Variants in ELK3 observed in about 807,000 individuals in gnomAD.
The protein encoded by ELK3 is ETS transcription factor ELK3, also known as ETS domain-containing protein Elk-3.
In ELK3, 10 loss-of-function variants were observed where a neutral mutation model predicts 28.9. The ratio of observed to expected loss-of-function variants is 0.35; its 90% CI spans 0.21 to 0.59. The LOEUF (loss-of-function observed/expected upper bound fraction) is 0.59. ELK3 is among the 20% of genes least tolerant of loss of function. The pLI, the probability that ELK3 is intolerant of heterozygous loss-of-function variation, is 0.82. For missense variants in ELK3, 463 were observed against 517.3 expected (o/e 0.90, Z 1.02); for synonymous variants, 272 against 243.5 (o/e 1.12, Z -1.09).
chr12:96,235,866 G>C (rs1271842514), intron 2 of ELK3, among the ~76,000 whole-genome samples: 1 of 152,102 alleles, frequency 6.6e-6, no homozygotes, highest in Non-Finnish European at 1.5e-5. Context: ...GTCTTGCTCT[G>C]TCACCCAGGC....
intron 1 of ELK3, among the ~76,000 whole-genome samples, chr12:96,218,979 A>AT (rs1350924610): frequency 2.0e-5 from 3 of 152,340 alleles, no homozygotes; most frequent in South Asian, 2.1e-4. Flanking sequence ...GATAAAGGGA[A>AT]TTTTAAAAAA....
At chr12:96,251,408 C>A (rs1951905278) in intron 3 of ELK3, among the ~76,000 whole-genome samples, 1 of 152,032 alleles carries the variant, frequency 6.6e-6, no homozygotes, top group South Asian at 2.1e-4. Context: ...TGAAATTAGG[C>A]CAATTGATAA....
At chr12:96,211,138 T>G (rs1242044401) in intron 1 of ELK3, among the ~76,000 whole-genome samples, 2 of 152,250 alleles carry the variant, frequency 1.3e-5, no homozygotes, top group South Asian at 4.1e-4. Flanking sequence ...TATAAAGCAC[T>G]CAGCACAATT....
At chr12:96,197,551 C>T (rs1951479992) in intron 1 of ELK3, among the ~76,000 whole-genome samples, 1 of 152,120 alleles carries the variant, frequency 6.6e-6, no homozygotes, top group Non-Finnish European at 1.5e-5. Flanking sequence ...TCTTTTTGGT[C>T]AGTAACATGC....
intron 3 of ELK3, among the ~76,000 whole-genome samples, chr12:96,250,806 G>A (rs1279021677): frequency 6.6e-6 from 1 of 152,142 alleles, no homozygotes; most frequent in African/African-American, 2.4e-5. Flanking sequence ...GCTTAGTGGT[G>A]GGCTTTGGAA....
chr12:96,229,572 C>T (rs1951727012), intron 2 of ELK3, among the ~76,000 whole-genome samples: 1 of 146,582 alleles, frequency 6.8e-6, no homozygotes, highest in Non-Finnish European at 1.5e-5. Context: ...TGCTCTGTCG[C>T]CCAGGCTGGA....
chr12:96,232,144 T>A (rs1407590692), intron 2 of ELK3, among the ~76,000 whole-genome samples: 1 of 152,088 alleles, frequency 6.6e-6, no homozygotes, highest in Non-Finnish European at 1.5e-5. Flanking sequence ...CAGGGACGTG[T>A]GGATGAGTTT....
At chr12:96,216,627 A>G (rs767969746) in intron 1 of ELK3, among the ~76,000 whole-genome samples, 1 of 152,220 alleles carries the variant, frequency 6.6e-6, no homozygotes, top group East Asian at 1.9e-4. Flanking sequence ...GTGACTCCAC[A>G]GCAAGCTCTG....
chr12:96,235,534 G>A (rs1951776648), intron 2 of ELK3, among the ~76,000 whole-genome samples: 1 of 152,112 alleles, frequency 6.6e-6, no homozygotes, highest in South Asian at 2.1e-4. Context: ...TGTCACCTTG[G>A]AAAGTCACTC....
intron 3 of ELK3, among the ~76,000 whole-genome samples, chr12:96,256,724 C>A (rs1951951962): frequency 6.6e-6 from 1 of 152,146 alleles, no homozygotes; most frequent in South Asian, 2.1e-4. Flanking sequence ...CAAAGTGTTA[C>A]AAAGATTCAG....
chr12:96,223,317 CAT>C (rs1386931033), intron 1 of ELK3, among the ~76,000 whole-genome samples: 3 of 152,148 alleles, frequency 2.0e-5, no homozygotes, highest in Non-Finnish European at 2.9e-5. Flanking sequence ...CTCGTGGGGA[CAT>C]GTGGTGAATA....
intron 3 of ELK3, among the ~76,000 whole-genome samples, chr12:96,252,657 T>C (rs1456422182): frequency 6.6e-6 from 1 of 152,208 alleles, no homozygotes; most frequent in Non-Finnish European, 1.5e-5. Flanking sequence ...GCATTAGAAG[T>C]GGAGCCTGGA....
At chr12:96,245,054 G>A (rs1951847078) in intron 2 of ELK3, among the ~76,000 whole-genome samples, 1 of 152,128 alleles carries the variant, frequency 6.6e-6, no homozygotes, top group Admixed American at 6.6e-5. Context: ...CTGTTGTTTG[G>A]CCTTGACTCT....
At chr12:96,267,024 C>G in intron 4 of ELK3, 58 bp from the exon 5 acceptor site, 1 of 1,450,842 alleles carries the variant, frequency 6.9e-7, no homozygotes, top group Non-Finnish European at 9.5e-7. Context: ...TGTAAAGAAC[C>G]TAAGTTCTTC....
At position 96,195,610 on chromosome 12, in the gene ELK3, G is replaced by T. The variant is rs190214299; in HGVS notation, c.-3+905G>T. Among the ~76,000 whole-genome samples, 273 of 152,328 alleles carry T rather than the reference G, an allele frequency of 1.8e-3. 1 individual carries two copies. The highest frequency in any genetic ancestry group is 6.3e-3 in the African/African-American group (263 of 41,566). ...AAGCTGCAGTTAGGCGGCGGGTGGA[G>T]GTGGAAGCAAGAAATGTTATTTCAG... On this transcript the variant is annotated intron_variant, in intron 1 of 4. Coordinates refer to ENST00000228741, the MANE Select transcript of ELK3 (RefSeq NM_005230.4).
chr12:96,223,643 G>A lies in ELK3; in HGVS notation c.77G>A (p.Trp26Ter), dbSNP rs753199489. ...LDQKHEHLIC[W>*]TSNDGEFKLL... is the part of the protein sequence containing the mutation. Reference sequence around the variant, plus strand: ...CAGAAACATGAGCATTTGATCTGCTGGACCTCGAACGATGGTGAATTCAAG... The same window carrying A: ...CAGAAACATGAGCATTTGATCTGCTAGACCTCGAACGATGGTGAATTCAAG... The change falls in exon 2 of 5, where the codon TGG becomes TAG. Residue 26 changes from tryptophan to a stop codon, truncating the protein, a stop_gained. Transcript: ENST00000228741. LOFTEE classifies it high-confidence loss of function. 6.2e-7 allele frequency: 1 copy of A among 1,614,160 alleles called. No individual in the cohort carries two copies. Among genetic ancestry groups the A allele is most frequent in the African/African-American group, 1.3e-5 (1 of 75,048 alleles).
chr12:96,203,551 C>T (rs1951519980), intron 1 of ELK3, among the ~76,000 whole-genome samples: 1 of 152,186 alleles, frequency 6.6e-6, no homozygotes, highest in African/African-American at 2.4e-5. Context: ...CCTTGTTTTG[C>T]CCTTGGACTT....
intron 1 of ELK3, among the ~76,000 whole-genome samples, chr12:96,212,385 C>T (rs1261558698): frequency 1.3e-5 from 2 of 152,230 alleles, no homozygotes; most frequent in African/African-American, 4.8e-5. Flanking sequence ...AAAGCATTGT[C>T]AGCAGAGCTT....
chr12:96,239,895 C>G (rs554982611), intron 2 of ELK3, among the ~76,000 whole-genome samples: 1 of 152,358 alleles, frequency 6.6e-6, no homozygotes, highest in African/African-American at 2.4e-5. Context: ...CACCACCTTT[C>G]GGGGCCTGAC....
Sources: gnomAD v4.1 joint callset for allele counts (sites outside exome capture counted in the v4.1 genomes callset) on GRCh38, gnomAD v4.1.1 for gene constraint, MANE v1.5 for transcripts, NCBI Gene and HGNC (gene_info 2026-07-23, HGNC 2026-07-21) for gene names.